CSNK2A2IP: variants seen among roughly 807,000 people sequenced by gnomAD.
CSNK2A2IP encodes the protein casein kinase II subunit alpha'-interacting protein.
the CSNK2A2IP span, among the ~76,000 whole-genome samples, chr3:88,361,179 C>G: frequency 6.6e-6 from 1 of 151,982 alleles, no homozygotes. Flanking sequence ...CTGTATTTGT[C>G]TGTGTATTTA....
chr3:88,416,432 G>T, the CSNK2A2IP span, among the ~76,000 whole-genome samples: 1 of 152,066 alleles, frequency 6.6e-6, no homozygotes, highest in African/African-American at 2.4e-5. Flanking sequence ...AGATTCATAG[G>T]CCTGAGTTTA....
the CSNK2A2IP span, among the ~76,000 whole-genome samples, chr3:88,341,101 G>A: frequency 7.9e-5 from 12 of 151,736 alleles, no homozygotes; most frequent in African/African-American, 2.9e-4. Flanking sequence ...GTTTTTATGT[G>A]AAATAATATG....
chr3:88,346,975 A>C, the CSNK2A2IP span, among the ~76,000 whole-genome samples: 1 of 152,060 alleles, frequency 6.6e-6, no homozygotes, highest in Non-Finnish European at 1.5e-5. Context: ...TTATGGAAAG[A>C]GGTCAGATAT....
chr3:88,444,998 T>C, the CSNK2A2IP span, among the ~76,000 whole-genome samples: 2 of 152,130 alleles, frequency 1.3e-5, no homozygotes, highest in African/African-American at 4.8e-5. Context: ...AAATGTTTGA[T>C]CTTATGATAA....
At chr3:88,346,514 A>T in the CSNK2A2IP span, among the ~76,000 whole-genome samples, 1 of 152,086 alleles carries the variant, frequency 6.6e-6, no homozygotes, top group Non-Finnish European at 1.5e-5. Flanking sequence ...ACCATTTCAA[A>T]AATTGTAGAG....
At chr3:88,388,290 A>G in the CSNK2A2IP span, among the ~76,000 whole-genome samples, 1 of 152,230 alleles carries the variant, frequency 6.6e-6, no homozygotes, top group Non-Finnish European at 1.5e-5. Context: ...CTGTAAAAAT[A>G]TATAACTCTT....
chr3:88,368,899 C>T, the CSNK2A2IP span, among the ~76,000 whole-genome samples: 6 of 151,962 alleles, frequency 3.9e-5, no homozygotes, highest in African/African-American at 1.2e-4. Context: ...GGAACTTTCT[C>T]ACAAGCTCTG....
the CSNK2A2IP span, among the ~76,000 whole-genome samples, chr3:88,383,673 T>G: frequency 2.0e-5 from 2 of 98,112 alleles, no homozygotes; most frequent in Non-Finnish European, 4.2e-5. Context: ...TTTTTTTTTT[T>G]TGGGACGGAG....
the CSNK2A2IP span, among the ~76,000 whole-genome samples, chr3:88,344,131 T>C: frequency 5.9e-5 from 9 of 151,948 alleles, no homozygotes; most frequent in Non-Finnish European, 1.0e-4. Context: ...AGGCTCCCAT[T>C]CTACTTAAAG....
the CSNK2A2IP span, among the ~76,000 whole-genome samples, chr3:88,372,156 C>A: frequency 4.0e-5 from 6 of 151,568 alleles, no homozygotes; most frequent in Non-Finnish European, 8.9e-5. Flanking sequence ...TTTAAAAGAT[C>A]TATGGCTATG....
At chr3:88,415,040 C>A in the CSNK2A2IP span, among the ~76,000 whole-genome samples, 5 of 151,754 alleles carry the variant, frequency 3.3e-5, no homozygotes, top group African/African-American at 1.2e-4. Context: ...CACACACACA[C>A]AAATATTTAA....
the CSNK2A2IP span, among the ~76,000 whole-genome samples, chr3:88,394,651 G>A: frequency 6.6e-6 from 1 of 152,244 alleles, no homozygotes; most frequent in Non-Finnish European, 1.5e-5. Flanking sequence ...TGGGATTACA[G>A]GCCTGAGCCA....
At chr3:88,403,836 T>A in the CSNK2A2IP span, among the ~76,000 whole-genome samples, 1 of 152,112 alleles carries the variant, frequency 6.6e-6, no homozygotes, top group Non-Finnish European at 1.5e-5. Context: ...GTTTCGTTAA[T>A]GTCCTAGTGA....
the CSNK2A2IP span, among the ~76,000 whole-genome samples, chr3:88,409,444 C>T: frequency 6.6e-6 from 1 of 151,968 alleles, no homozygotes; most frequent in Non-Finnish European, 1.5e-5. Context: ...AACCAGCTGC[C>T]TCTGTTACAT....
chr3:88,415,077 A>C, the CSNK2A2IP span, among the ~76,000 whole-genome samples: 1 of 151,996 alleles, frequency 6.6e-6, no homozygotes, highest in African/African-American at 2.4e-5. Context: ...GAGCATAAAA[A>C]GCCACATAGC....
the CSNK2A2IP span, chr3:88,466,066 A>G: frequency 8.1e-7 from 1 of 1,231,652 alleles, no homozygotes; most frequent in Non-Finnish European, 1.0e-6. Context: ...ATTGCAGCGC[A>G]ATCAAAGATC....
chr3:88,386,165 C>T, the CSNK2A2IP span, among the ~76,000 whole-genome samples: 10 of 151,766 alleles, frequency 6.6e-5, no homozygotes, highest in African/African-American at 2.4e-4. Flanking sequence ...ACTCTTATTG[C>T]CCAGGCTGGA....
chr3:88,405,974 T>TA, the CSNK2A2IP span, among the ~76,000 whole-genome samples: 12 of 150,894 alleles, frequency 8.0e-5, no homozygotes, highest in East Asian at 9.7e-4. Flanking sequence ...TTTTTTCATC[T>TA]AAAAAAAAAT....
the CSNK2A2IP span, among the ~76,000 whole-genome samples, chr3:88,444,904 A>G: frequency 6.6e-6 from 1 of 152,082 alleles, no homozygotes; most frequent in African/African-American, 2.4e-5. Flanking sequence ...CTTTCTAGAG[A>G]CCTGTGTATC....
Sources: allele counts gnomAD v4.1 joint callset (sites outside exome capture counted in the v4.1 genomes callset), GRCh38; gene constraint gnomAD v4.1.1; transcripts MANE v1.5; gene names NCBI Gene and HGNC (gene_info 2026-07-23, HGNC 2026-07-21).